The following ARHGEF6 variants were observed in gnomAD, a reference collection of about 807,000 sequenced individuals.
ARHGEF6 encodes the protein Rac/Cdc42 guanine nucleotide exchange factor 6.
Under a neutral mutation model 70.3 loss-of-function variants are expected in ARHGEF6, and 9 were observed. That is an observed-to-expected ratio of 0.13 (90% CI 0.08 to 0.22). The LOEUF is 0.22. Among genes scored for constraint, ARHGEF6 ranks in the 10% least tolerant of loss-of-function variants. ARHGEF6 has a pLI of 1.00. For missense variants in ARHGEF6, 470 were observed against 563.0 expected (o/e 0.83, Z 1.67); for synonymous variants, 201 against 207.8 (o/e 0.97, Z 0.28).
intron 6 of ARHGEF6, among the ~76,000 whole-genome samples, chrX:136,723,460 A>C (rs1026939510): frequency 1.8e-5 from 2 of 111,747 alleles, no homozygotes; most frequent in Non-Finnish European, 3.8e-5. Context: ...CTCTTTGTCC[A>C]TCTGTGTTGT....
chrX:136,689,555 G>A (rs917957805), intron 10 of ARHGEF6, among the ~76,000 whole-genome samples: 13 of 111,973 alleles, frequency 1.2e-4, no homozygotes, highest in Non-Finnish European at 2.1e-4. Flanking sequence ...ACACCTTCCT[G>A]AGCCCTAACT....
At chrX:136,764,870 G>A (rs1025501465) in intron 2 of ARHGEF6, among the ~76,000 whole-genome samples, 2 of 112,033 alleles carry the variant, frequency 1.8e-5, no homozygotes, top group Non-Finnish European at 3.8e-5. Flanking sequence ...AAAATCTCTG[G>A]GTTATAAGAC....
intron 17 of ARHGEF6, among the ~76,000 whole-genome samples, chrX:136,677,259 C>T (rs898005288): frequency 8.0e-5 from 9 of 111,850 alleles, no homozygotes; most frequent in South Asian, 3.7e-4. Flanking sequence ...GCCATTTTTC[C>T]GCAGTCAAAG....
intron 2 of ARHGEF6, among the ~76,000 whole-genome samples, chrX:136,762,131 C>A (rs2077269281): frequency 8.9e-6 from 1 of 111,817 alleles, no homozygotes; most frequent in African/African-American, 3.3e-5. Context: ...CCAGGCTGGT[C>A]TTGAACTCCT....
intron 6 of ARHGEF6, among the ~76,000 whole-genome samples, chrX:136,727,876 G>T (rs1466826543): frequency 9.1e-6 from 1 of 109,874 alleles, no homozygotes; most frequent in Non-Finnish European, 1.9e-5. Context: ...CCGAGACAAA[G>T]GATCCCAACC....
chrX:136,680,624 G>A lies in ARHGEF6; in HGVS notation c.1704+107C>T, dbSNP rs964337966. ...TGTACTTCAAAATCTACAAATATAG[G>A]CTGCCCAAAAGACTAAGGGTGTGCT... On this transcript the variant is annotated intron_variant, in intron 15 of 21. Coordinates refer to ENST00000250617, the MANE Select transcript of ARHGEF6 (RefSeq NM_004840.3). 3 of 916,998 alleles carry A rather than the reference G, an allele frequency of 3.3e-6. No homozygotes were observed. The Admixed American group carries it at 6.6e-5, about 20-fold the overall frequency. The allele number at this position is 916,998 out of a possible 1,213,427, so 75.6% of individuals were successfully genotyped here. A position where few individuals can be genotyped will look rare whatever the true frequency, so the allele number is the denominator to read the frequency against.
At chrX:136,775,057 C>T (rs1050419913) in intron 2 of ARHGEF6, among the ~76,000 whole-genome samples, 3 of 111,493 alleles carry the variant, frequency 2.7e-5, no homozygotes, top group Admixed American at 1.9e-4. Flanking sequence ...ACATTCCGGG[C>T]ACTCTTCTGG....
At chrX:136,714,963 G>C (rs2076722689) in intron 6 of ARHGEF6, among the ~76,000 whole-genome samples, 1 of 111,995 alleles carries the variant, frequency 8.9e-6, no homozygotes, top group Non-Finnish European at 1.9e-5. Flanking sequence ...TTTCAAACCA[G>C]ATAAGTCTTT....
At chrX:136,668,533 C>CTTCTTCTTCTTATTA (rs61661248) in intron 21 of ARHGEF6, among the ~76,000 whole-genome samples, 6 of 98,461 alleles carry the variant, frequency 6.1e-5, no homozygotes, top group African/African-American at 1.9e-4. Flanking sequence ...TCTTCTTCTT[C>CTTCTTCTTCTTATTA]TTATTATTAT....
intron 2 of ARHGEF6, among the ~76,000 whole-genome samples, chrX:136,765,272 T>C (rs910810321): frequency 8.9e-6 from 1 of 112,174 alleles, no homozygotes. Flanking sequence ...GCATCTACGG[T>C]CCTAAGCACA....
intron 2 of ARHGEF6, among the ~76,000 whole-genome samples, chrX:136,777,499 G>A (rs1246208888): frequency 1.8e-5 from 2 of 110,920 alleles, no homozygotes; most frequent in East Asian, 5.6e-4. Flanking sequence ...TGGTGGGAAT[G>A]TAAACTAGTA....
intron 6 of ARHGEF6, among the ~76,000 whole-genome samples, chrX:136,716,171 C>T (rs983594231): frequency 8.9e-6 from 1 of 112,843 alleles, no homozygotes; most frequent in African/African-American, 3.2e-5. Context: ...GAGCTCCTGA[C>T]CTCAGGTGAT....
At chrX:136,676,793 T>C in intron 17 of ARHGEF6, 76 bp from the exon 18 acceptor site, 2 of 691,230 alleles carry the variant, frequency 2.9e-6, no homozygotes, top group South Asian at 2.2e-5. Flanking sequence ...TGAAACTAAG[T>C]AGAATTCCTC....
chrX:136,774,131 T>A (rs187990052), intron 2 of ARHGEF6: 1 of 111,934 alleles, frequency 8.9e-6, no homozygotes, highest in East Asian at 2.8e-4. Context: ...ATAATTTTTT[T>A]AAACAATAAA....
At chrX:136,678,952 A>T (rs746600572) in intron 16 of ARHGEF6, among the ~76,000 whole-genome samples, 4 of 111,863 alleles carry the variant, frequency 3.6e-5, no homozygotes, top group African/African-American at 1.3e-4. Context: ...GAGAGAAAAA[A>T]AAAATACACA....
chrX:136,736,092 A>C, intron 5 of ARHGEF6, among the ~76,000 whole-genome samples: 2 of 112,215 alleles, frequency 1.8e-5, no homozygotes, highest in Non-Finnish European at 3.8e-5. Context: ...TCTTGGCTTA[A>C]AAATTTTGCC....
chrX:136,683,945 A>G (rs1249934791), intron 12 of ARHGEF6, among the ~76,000 whole-genome samples: 3 of 111,282 alleles, frequency 2.7e-5, no homozygotes, highest in Non-Finnish European at 5.7e-5. Flanking sequence ...TACACCTCCT[A>G]TCCTAACAGA....
intron 9 of ARHGEF6, among the ~76,000 whole-genome samples, chrX:136,701,710 T>C (rs1449400499): frequency 4.0e-4 from 33 of 81,547 alleles, no homozygotes; most frequent in Admixed American, 1.8e-3. Flanking sequence ...TTCTTTTTTT[T>C]TTTTTTTTTT....
chrX:136,750,529 C>T (rs983185552), intron 2 of ARHGEF6, among the ~76,000 whole-genome samples: 3 of 111,189 alleles, frequency 2.7e-5, no homozygotes, highest in Admixed American at 9.6e-5. Flanking sequence ...CAGTTAGATC[C>T]GTGAAGGTCA....
Sources: allele counts gnomAD v4.1 joint callset (sites outside exome capture counted in the v4.1 genomes callset), GRCh38; gene constraint gnomAD v4.1.1; transcripts MANE v1.5; gene names NCBI Gene and HGNC (gene_info 2026-07-23, HGNC 2026-07-21).